The following FSTL5 variants were observed in gnomAD, a reference collection of about 807,000 sequenced individuals.
FSTL5 encodes follistatin like 5.
FSTL5 carries 62 observed loss-of-function variants against 89.1 expected under a neutral mutation model. The observed-to-expected ratio is 0.70, with a 90% CI of 0.57 to 0.86. The LOEUF is 0.86. FSTL5 is among the 40% of genes least tolerant of loss of function. FSTL5 has a pLI of 0.00. For missense variants in FSTL5, 1,057 were observed against 1,001.6 expected (o/e 1.06, Z -0.75); for synonymous variants, 383 against 346.2 (o/e 1.11, Z -1.18).
intron 4 of FSTL5, among the ~76,000 whole-genome samples, chr4:161,828,122 CA>C (rs1291922990): frequency 1.3e-5 from 2 of 152,218 alleles, no homozygotes; most frequent in Admixed American, 6.5e-5. Flanking sequence ...AGAGAGCCCA[CA>C]GGGGCACTTC....
At chr4:161,627,905 A>T (rs1157236289) in intron 7 of FSTL5, among the ~76,000 whole-genome samples, 1 of 152,210 alleles carries the variant, frequency 6.6e-6, no homozygotes, top group Non-Finnish European at 1.5e-5. Flanking sequence ...CTTTGGAATA[A>T]TTTTATGATA....
At chr4:162,059,809 A>C (rs1268023342) in intron 2 of FSTL5, among the ~76,000 whole-genome samples, 1 of 152,144 alleles carries the variant, frequency 6.6e-6, no homozygotes, top group African/African-American at 2.4e-5. Context: ...GAAAAGATGG[A>C]CTGCAAAGAA....
chr4:161,459,110 C>T, intron 14 of FSTL5, 102 bp downstream of exon 14: 1 of 805,924 alleles, frequency 1.2e-6, no homozygotes, highest in South Asian at 1.8e-5. Flanking sequence ...AGCTGTAGTC[C>T]TCAGATGGAA....
At chr4:161,686,681 G>T (rs1380080885) in intron 6 of FSTL5, among the ~76,000 whole-genome samples, 2 of 151,670 alleles carry the variant, frequency 1.3e-5, no homozygotes, top group African/African-American at 4.8e-5. Flanking sequence ...TAACTGCATT[G>T]TATTACCTTC....
chr4:161,654,670 T>C (rs376144172), intron 7 of FSTL5, among the ~76,000 whole-genome samples: 172 of 152,248 alleles, frequency 1.1e-3, no homozygotes, highest in African/African-American at 3.7e-3. Flanking sequence ...AATAGGAGTT[T>C]GGGCTTGCAT....
At chr4:161,654,967 G>A (rs1247884136) in intron 7 of FSTL5, among the ~76,000 whole-genome samples, 3 of 152,050 alleles carry the variant, frequency 2.0e-5, no homozygotes. Flanking sequence ...CACTTTTGAA[G>A]CTGTACTTTA....
chr4:161,855,701 G>A (rs947374856), intron 4 of FSTL5, among the ~76,000 whole-genome samples: 8 of 152,034 alleles, frequency 5.3e-5, no homozygotes, highest in African/African-American at 1.9e-4. Flanking sequence ...TATATGGAGT[G>A]TAATACAGTG....
chr4:162,056,009 C>T (rs1329170449), intron 2 of FSTL5, among the ~76,000 whole-genome samples: 6 of 151,688 alleles, frequency 4.0e-5, no homozygotes, highest in African/African-American at 1.2e-4. Context: ...CTAATATATG[C>T]TTCTATATAA....
chr4:162,082,875 A>G (rs1450430652), intron 2 of FSTL5, among the ~76,000 whole-genome samples: 1 of 151,352 alleles, frequency 6.6e-6, no homozygotes, highest in African/African-American at 2.4e-5. Flanking sequence ...TTCAATCTCA[A>G]TCTCAAGTGG....
intron 6 of FSTL5, among the ~76,000 whole-genome samples, chr4:161,668,471 C>T (rs1437107706): frequency 6.6e-6 from 1 of 152,206 alleles, no homozygotes; most frequent in Non-Finnish European, 1.5e-5. Context: ...CCCCTACAAT[C>T]TCTTTCACAA....
At chr4:161,615,316 A>T (rs1734818821) in intron 7 of FSTL5, among the ~76,000 whole-genome samples, 1 of 140,408 alleles carries the variant, frequency 7.1e-6, no homozygotes, top group Non-Finnish European at 1.6e-5. Context: ...AAAAAAAAAA[A>T]TTAGCTGGGC....
At chr4:161,807,284 T>G (rs1225090100) in intron 4 of FSTL5, among the ~76,000 whole-genome samples, 2 of 151,882 alleles carry the variant, frequency 1.3e-5, no homozygotes, top group African/African-American at 4.8e-5. Flanking sequence ...CAGCCTGGTT[T>G]CAAACTCCTG....
chr4:161,803,487 A>G (rs190051870), intron 4 of FSTL5, among the ~76,000 whole-genome samples: 4 of 152,080 alleles, frequency 2.6e-5, no homozygotes, highest in Non-Finnish European at 2.9e-5. Context: ...ATGTTTTTCT[A>G]TATGTAAAGA....
intron 4 of FSTL5, among the ~76,000 whole-genome samples, chr4:161,883,475 T>C (rs1311567502): frequency 6.6e-6 from 1 of 152,224 alleles, no homozygotes; most frequent in East Asian, 1.9e-4. Flanking sequence ...CATGCAGTTC[T>C]TTACTAAGTA....
At chr4:161,788,933 T>C (rs1456917827) in intron 4 of FSTL5, among the ~76,000 whole-genome samples, 2 of 151,900 alleles carry the variant, frequency 1.3e-5, no homozygotes, top group Non-Finnish European at 1.5e-5. Flanking sequence ...AACAAAACAA[T>C]GCCTGGATTT....
intron 1 of FSTL5, among the ~76,000 whole-genome samples, chr4:162,148,833 C>T (rs745988128): frequency 7.2e-5 from 11 of 152,168 alleles, no homozygotes; most frequent in Non-Finnish European, 1.5e-4. Flanking sequence ...ATGAATGCAG[C>T]ATCTATAATT....
chr4:161,503,736 C>G (rs899479571), intron 11 of FSTL5, among the ~76,000 whole-genome samples: 1 of 151,984 alleles, frequency 6.6e-6, no homozygotes, highest in South Asian at 2.1e-4. Flanking sequence ...TCAGATGGTA[C>G]TCACTTCCTG....
intron 4 of FSTL5, among the ~76,000 whole-genome samples, chr4:161,868,042 T>C (rs1164385056): frequency 2.0e-5 from 3 of 152,116 alleles, no homozygotes; most frequent in Non-Finnish European, 4.4e-5. Context: ...AACCACATTA[T>C]ATAGATAAAA....
intron 15 of FSTL5, among the ~76,000 whole-genome samples, chr4:161,412,847 G>A (rs1052588494): frequency 1.3e-5 from 2 of 152,086 alleles, no homozygotes; most frequent in African/African-American, 4.8e-5. Flanking sequence ...ATACAGTGCT[G>A]GGATAACTGC....
Sources: allele counts gnomAD v4.1 joint callset (sites outside exome capture counted in the v4.1 genomes callset), GRCh38; gene constraint gnomAD v4.1.1; transcripts MANE v1.5; gene names NCBI Gene and HGNC (gene_info 2026-07-23, HGNC 2026-07-21).